CLNS1A: variants seen among roughly 807,000 people sequenced by gnomAD.
The protein encoded by CLNS1A is methylosome subunit pICln.
Under a neutral mutation model 29.4 loss-of-function variants are expected in CLNS1A, and 16 were observed. That is an observed-to-expected ratio of 0.54 (90% CI 0.37 to 0.83). CLNS1A has a LOEUF of 0.83. Ranked by LOEUF, CLNS1A falls within the 40% of genes least tolerant of loss-of-function variation. The pLI is 0.00. For synonymous variants in CLNS1A, 96 were observed against 104.8 expected (o/e 0.92, Z 0.51); for missense variants, 235 against 287.4 (o/e 0.82, Z 1.32).
intron 2 of CLNS1A, among the ~76,000 whole-genome samples, chr11:77,627,886 C>T (rs993578458): frequency 5.3e-5 from 8 of 152,032 alleles, no homozygotes; most frequent in South Asian, 2.1e-4. Flanking sequence ...AGTGCAGTGG[C>T]GCGATCTCAG....
At chr11:77,633,084 C>CAAAAAA (rs887085397) in intron 1 of CLNS1A, among the ~76,000 whole-genome samples, 5 of 55,578 alleles carry the variant, frequency 9.0e-5, no homozygotes, top group Non-Finnish European at 1.1e-4. Flanking sequence ...GACTCCATCT[C>CAAAAAA]AAAAAAAAAA....
intron 3 of CLNS1A, 28 bp downstream of exon 3, chr11:77,625,689 G>C: frequency 1.3e-6 from 2 of 1,587,858 alleles, no homozygotes; most frequent in Non-Finnish European, 1.7e-6. Flanking sequence ...ATGTAAAAGG[G>C]GAAGAATCAA....
intron 1 of CLNS1A, among the ~76,000 whole-genome samples, chr11:77,631,440 C>A (rs1456287290): frequency 6.6e-6 from 1 of 151,550 alleles, no homozygotes; most frequent in Non-Finnish European, 1.5e-5. Context: ...CTTGCCTCAG[C>A]CTCCCCAGTA....
intron 1 of CLNS1A, among the ~76,000 whole-genome samples, chr11:77,631,632 T>C (rs1455472508): frequency 6.6e-6 from 1 of 151,874 alleles, no homozygotes; most frequent in African/African-American, 2.4e-5. Flanking sequence ...TTGTATACTT[T>C]CAAAAGGCAA....
chr11:77,621,576 G>A (rs1360262194), intron 5 of CLNS1A, among the ~76,000 whole-genome samples: 1 of 152,296 alleles, frequency 6.6e-6, no homozygotes, highest in Admixed American at 6.5e-5. Context: ...CCAGGAGGCG[G>A]AGGTTGTAGT....
At chr11:77,619,165 A>G (rs1958932536) in intron 6 of CLNS1A, among the ~76,000 whole-genome samples, 1 of 152,240 alleles carries the variant, frequency 6.6e-6, no homozygotes, top group Non-Finnish European at 1.5e-5. Flanking sequence ...TATATTTCTC[A>G]GAATAATGGA....
intron 5 of CLNS1A, among the ~76,000 whole-genome samples, chr11:77,621,161 T>C (rs763686530): frequency 3.3e-5 from 5 of 151,728 alleles, no homozygotes; most frequent in African/African-American, 7.3e-5. Flanking sequence ...CTGGGCACGA[T>C]AGTAGTGGGT....
chr11:77,620,266 ATGAG>A (rs1958943522), intron 5 of CLNS1A, among the ~76,000 whole-genome samples: 1 of 152,160 alleles, frequency 6.6e-6, no homozygotes, highest in Non-Finnish European at 1.5e-5. Context: ...TCTCATAATA[ATGAG>A]TAAGTTTCAC....
Position 77,622,503 on chromosome 11 carries a change from C to G in CLNS1A, c.643G>C (p.Glu215Gln). The stretch of plus-strand genomic sequence containing the variant: ...CACACTGCAAAAGGACACTCACCTT[C>G]ATAATCTCTTATTGAATCTTCTGTC... ...VRTEDSIRDY[E>Q]DGMEVDTTPT... Residue 215 changes from glutamate to glutamine, a missense_variant, in exon 5 of 7, where the codon GAA (glutamate) becomes CAA (glutamine). By Grantham distance (29) the Glu-to-Gln change is conservative (BLOSUM62 2). Coordinates refer to ENST00000525428, the MANE Select transcript of CLNS1A (RefSeq NM_001293.3). The G allele has an allele frequency of 6.3e-7, 1 of 1,588,628 alleles. No individual in the cohort carries two copies. The highest frequency in any genetic ancestry group is 8.5e-7 in the Non-Finnish European group (1 of 1,170,706).
Position 77,619,635 on chromosome 11 carries a change from T to G in CLNS1A, c.707A>C (p.Asp236Ala). 6.2e-7 allele frequency: 1 copy of G among 1,612,950 alleles called. No individual in the cohort carries two copies. Among genetic ancestry groups the G allele is most frequent in the Non-Finnish European group, 8.5e-7 (1 of 1,178,976 alleles). Residue 236 changes from aspartate (D) to alanine (A), a missense_variant, in exon 6 of 7, where the codon GAT becomes GCT. Asp to Ala is a moderately radical substitution (Grantham distance 126). Coordinates refer to ENST00000525428, the MANE Select transcript of CLNS1A (RefSeq NM_001293.3). ...VAGQFEDADV[D>A]H ...AACTTGCATAAATCATTTTCAGTGA[T>G]CAACATCTGCATCCTCAAACTGTCC...
At chr11:77,634,739 A>AC (rs1959107175) in intron 1 of CLNS1A, among the ~76,000 whole-genome samples, 1 of 152,026 alleles carries the variant, frequency 6.6e-6, no homozygotes, top group Admixed American at 6.6e-5. Flanking sequence ...AAAAAAAAAA[A>AC]AAAAAATCTT....
intron 1 of CLNS1A, among the ~76,000 whole-genome samples, chr11:77,632,736 A>G (rs577951316): frequency 1.3e-5 from 2 of 152,296 alleles, no homozygotes; most frequent in South Asian, 4.1e-4. Flanking sequence ...ATGGGAAAAC[A>G]ACTTACTTTC....
At chr11:77,616,929 C>T (rs117450227) in intron 6 of CLNS1A, among the ~76,000 whole-genome samples, 208 of 152,304 alleles carry the variant, frequency 1.4e-3, no homozygotes, top group Admixed American at 5.2e-3. Context: ...GTTGTGATTC[C>T]ACGATTAACG....
intron 1 of CLNS1A, 65 bp downstream of exon 1, chr11:77,637,525 C>A: frequency 6.6e-7 from 1 of 1,511,644 alleles, no homozygotes; most frequent in Non-Finnish European, 8.9e-7. Context: ...CTCCTTCGCA[C>A]CGCCTGCTCC....
chr11:77,620,378 C>T (rs1036194135), intron 5 of CLNS1A, among the ~76,000 whole-genome samples: 1 of 152,220 alleles, frequency 6.6e-6, no homozygotes, highest in Admixed American at 6.5e-5. Context: ...TCTTCCACCA[C>T]GATTGTGAGG....
chr11:77,620,279 A>G (rs1473923429), intron 5 of CLNS1A, among the ~76,000 whole-genome samples: 1 of 152,136 alleles, frequency 6.6e-6, no homozygotes, highest in Admixed American at 6.6e-5. Context: ...AGTAAGTTTC[A>G]CTAGATCTGA....
At chr11:77,618,828 T>A (rs1317015572) in intron 6 of CLNS1A, 2 of 152,314 alleles carry the variant, frequency 1.3e-5, no homozygotes, top group Non-Finnish European at 2.9e-5. Flanking sequence ...TTGCAGGGAA[T>A]AACAAAGGAT....
rs1312994111 is a variant in CLNS1A at position 77,619,676 on chromosome 11, G to A, written c.666C>T (p.Thr222=). Residue 222 remains threonine, a synonymous_variant, in exon 6 of 7, where the codon ACC becomes ACT. Transcript: ENST00000525428. The part of the protein sequence containing the change: ...RDYEDGMEVD[T]TPTVAGQFED... ...CAAACTGTCCAGCAACTGTTGGTGT[G>A]GTATCCACCTCCATCCCATCTAAAC... 1.2e-6 allele frequency: 2 copies of A among 1,613,542 alleles called. No homozygotes were observed. The highest frequency in any genetic ancestry group is 2.2e-5 in the East Asian group (1 of 44,864).
intron 4 of CLNS1A, 88 bp downstream of exon 4, chr11:77,624,875 C>A (rs757428153): frequency 1.2e-4 from 91 of 785,450 alleles, no homozygotes; most frequent in Non-Finnish European, 1.7e-4. Context: ...ATATAAAGAA[C>A]TATAATCCTC....
Sources: allele counts gnomAD v4.1 joint callset (sites outside exome capture counted in the v4.1 genomes callset), GRCh38; gene constraint gnomAD v4.1.1; transcripts MANE v1.5; gene names NCBI Gene and HGNC (gene_info 2026-07-23, HGNC 2026-07-21).